The following TMC2 variants were observed in gnomAD, a reference collection of about 807,000 sequenced individuals.
TMC2 encodes the protein transmembrane channel-like protein 2.
Under a neutral mutation model 105.9 loss-of-function variants are expected in TMC2, and 102 were observed. The observed-to-expected ratio is 0.96, with a 90% CI of 0.82 to 1.14. The LOEUF is 1.14. TMC2 is among the 50% of genes most tolerant of loss of function. The pLI, the probability that TMC2 is intolerant of heterozygous loss-of-function variation, is 0.00. For missense variants in TMC2, 1,093 were observed against 1,134.3 expected (o/e 0.96, Z 0.52); for synonymous variants, 402 against 422.8 (o/e 0.95, Z 0.60).
At chr20:2,586,396 C>G (rs6107001) in intron 7 of TMC2, among the ~76,000 whole-genome samples, 9,142 of 152,172 alleles carry the variant, frequency 0.06, 902 homozygotes, top group African/African-American at 0.2. Context: ...ACTGTAGTAG[C>G]CTGTTCTTGT....
At chr20:2,591,657 G>A (rs1269814354) in intron 7 of TMC2, among the ~76,000 whole-genome samples, 2 of 152,040 alleles carry the variant, frequency 1.3e-5, no homozygotes, top group Non-Finnish European at 1.5e-5. Flanking sequence ...GCAATGAGCC[G>A]AGATGGAGCC....
intron 4 of TMC2, among the ~76,000 whole-genome samples, chr20:2,563,160 T>A (rs2086039801): frequency 6.6e-6 from 1 of 152,096 alleles, no homozygotes; most frequent in African/African-American, 2.4e-5. Flanking sequence ...CATTGCTCGT[T>A]CAAACTCCTC....
chr20:2,550,465 AACTG>A (rs2085950316), intron 2 of TMC2, among the ~76,000 whole-genome samples: 1 of 152,204 alleles, frequency 6.6e-6, no homozygotes, highest in Non-Finnish European at 1.5e-5. Context: ...CGTTTGTTAC[AACTG>A]ATGGGCCAAT....
chr20:2,620,220 T>C (rs1479408302), intron 16 of TMC2, among the ~76,000 whole-genome samples: 1 of 152,238 alleles, frequency 6.6e-6, no homozygotes, highest in Non-Finnish European at 1.5e-5. Context: ...AGAGGTATGT[T>C]GAGTAAGTAA....
chr20:2,602,650 AT>A (rs1300649270), intron 11 of TMC2, among the ~76,000 whole-genome samples: 1 of 152,186 alleles, frequency 6.6e-6, no homozygotes, highest in African/African-American at 2.4e-5. Context: ...TCTCTTTTCT[AT>A]TCCTGTTTGT....
rs997504973 is a variant in TMC2, at chr20:2,643,192, A to G, written c.*1841A>G. Among the ~76,000 whole-genome samples, 2 of 152,156 alleles carry G rather than the reference A, an allele frequency of 1.3e-5. No homozygotes were observed. The highest frequency in any genetic ancestry group is 1.3e-4 in the Admixed American group (2 of 15,268). On this transcript the variant is annotated 3_prime_UTR_variant, in exon 20 of 20. Transcript: ENST00000358864. ...CCATGGAACCCAGGTCCAAGCCCCA[A>G]ATCCAAAACTGCCTGTGTGTCATAT...
intron 12 of TMC2, 49 bp downstream of exon 12, chr20:2,610,647 G>A (rs755144359): frequency 2.5e-6 from 3 of 1,180,906 alleles, no homozygotes; most frequent in African/African-American, 1.6e-5. Context: ...GGTGCCCATA[G>A]TATTTTCTTT....
At chr20:2,610,705 T>C (rs2086431318) in intron 12 of TMC2, 107 bp downstream of exon 12, 1 of 647,460 alleles carries the variant, frequency 1.5e-6, no homozygotes, top group Non-Finnish European at 2.1e-6. Flanking sequence ...ATTAAATAAA[T>C]GTAAATTAAG....
chr20:2,537,330 G>T lies in TMC2; in HGVS notation c.82+14G>T, dbSNP rs1333763392. 9 of 1,594,344 alleles carry T rather than the reference G, an allele frequency of 5.6e-6. No individual in the cohort carries two copies. The highest frequency in any genetic ancestry group is 1.3e-5 in the African/African-American group (1 of 74,770). ...CTCCACACACAGGTGAGATGGGGTG[G>T]TGGGGTCTCTGGGGAGCCTGCAGTG... On this transcript the variant is annotated intron_variant, in intron 2 of 19. Coordinates refer to ENST00000358864, the MANE Select transcript of TMC2 (RefSeq NM_080751.3).
At chr20:2,537,059 G>C (rs1434456507) in intron 1 of TMC2, among the ~76,000 whole-genome samples, 1 of 152,216 alleles carries the variant, frequency 6.6e-6, no homozygotes, top group Non-Finnish European at 1.5e-5. Flanking sequence ...TGCAGGGCAG[G>C]GGGTGGGGGA....
At chr20:2,601,831 C>CA (rs1293038518) in intron 10 of TMC2, among the ~76,000 whole-genome samples, 2 of 151,574 alleles carry the variant, frequency 1.3e-5, no homozygotes, top group African/African-American at 4.8e-5. Flanking sequence ...AACTCTGTCT[C>CA]AAAAAAGAAA....
chr20:2,611,699 A>G (rs1360912296), intron 12 of TMC2, among the ~76,000 whole-genome samples: 1 of 152,220 alleles, frequency 6.6e-6, no homozygotes, highest in Admixed American at 6.5e-5. Flanking sequence ...GCGAACCTCC[A>G]TCTCTCTTGG....
intron 17 of TMC2, among the ~76,000 whole-genome samples, chr20:2,625,048 A>T (rs2086554612): frequency 6.6e-6 from 1 of 152,358 alleles, no homozygotes; most frequent in Non-Finnish European, 1.5e-5. Flanking sequence ...CCCCGGTGCC[A>T]GCCTAATGCC....
intron 14 of TMC2, among the ~76,000 whole-genome samples, chr20:2,615,050 C>T (rs115986601): frequency 0.044 from 6,752 of 151,762 alleles, 503 homozygotes; most frequent in African/African-American, 0.15. Context: ...GGTGGGGGTG[C>T]GGTGGCTCAC....
chr20:2,617,456 G>A, intron 16 of TMC2, 145 bp downstream of exon 16: 1 of 1,083,994 alleles, frequency 9.2e-7, no homozygotes, highest in Non-Finnish European at 1.3e-6. Context: ...CATTTAAGAG[G>A]GTTTTCTGCC....
chr20:2,568,164 C>G (rs567624506), intron 4 of TMC2, among the ~76,000 whole-genome samples: 1 of 152,162 alleles, frequency 6.6e-6, no homozygotes, highest in East Asian at 1.9e-4. Flanking sequence ...CAGGATAAAC[C>G]CAAAGCAAAG....
In TMC2 at chr20:2,599,539, A is replaced by ATTTTT. The variant is rs11409325; in HGVS notation, c.1224+2260_1224+2264dup. On this transcript the variant is annotated intron_variant, in intron 10 of 19. Coordinates refer to ENST00000358864, the MANE Select transcript of TMC2 (RefSeq NM_080751.3). Reference sequence around the variant, plus strand: ...CTTCGTTTTTTTTTTCTTTAATTACATTTTTTTTTTTTTTTTTTTTTTTGG... The same window carrying ATTTTT: ...CTTCGTTTTTTTTTTCTTTAATTACATTTTTTTTTTTTTTTTTTTTTTTTTTTTGG... 7.9e-3 allele frequency among the ~76,000 whole-genome samples: 673 copies of ATTTTT among 85,454 alleles called. 13 individuals are homozygous for ATTTTT. The highest frequency in any genetic ancestry group is 9.7e-3 in the Non-Finnish European group (456 of 47,038). The allele number at this position is 85,454 out of a possible 152,430, so 56.1% of individuals were successfully genotyped here.
intron 10 of TMC2, among the ~76,000 whole-genome samples, chr20:2,598,197 G>GAA (rs11472755): frequency 0.43 from 56,410 of 131,964 alleles, 12,237 homozygotes; most frequent in South Asian, 0.58. Context: ...CTAGTGAAAT[G>GAA]AAAAAAAAAA....
chr20:2,536,795 C>T lies in TMC2; in HGVS notation c.34+140C>T, dbSNP rs949857397. ...CAGGGCCTGTCCCCTGTGCGCTGAG[C>T]GACCTCGGCTGGTTATTCAACCTCT... On this transcript the variant is annotated intron_variant, in intron 1 of 19. Transcript: ENST00000358864. 156 of 852,124 alleles carry T rather than the reference C, an allele frequency of 1.8e-4. 1 individual carries two copies. The highest frequency in any genetic ancestry group is 2.7e-4 in the Non-Finnish European group (138 of 518,766). The allele number at this position is 852,124 out of a possible 1,614,324, so 52.8% of individuals were successfully genotyped here.
Sources: allele counts gnomAD v4.1 joint callset (sites outside exome capture counted in the v4.1 genomes callset), GRCh38; gene constraint gnomAD v4.1.1; transcripts MANE v1.5; gene names NCBI Gene and HGNC (gene_info 2026-07-23, HGNC 2026-07-21).